CADM1: variants seen among roughly 807,000 people sequenced by gnomAD.
CADM1 encodes cell adhesion molecule 1.
In CADM1, 15 loss-of-function variants were observed where a neutral mutation model predicts 53.1. The ratio of observed to expected loss-of-function variants is 0.28; its 90% confidence interval spans 0.19 to 0.44. CADM1 has a LOEUF of 0.44. CADM1 is among the 20% of genes least tolerant of loss of function. The probability of loss-of-function intolerance (pLI) is 1.00; values close to 1 mark genes in which losing one functional copy is unlikely to be tolerated. For missense variants in CADM1, 434 were observed against 611.3 expected (o/e 0.71, Z 3.06); for synonymous variants, 281 against 243.0 (o/e 1.16, Z -1.45).
intron 1 of CADM1, among the ~76,000 whole-genome samples, chr11:115,286,777 A>C (rs1196449568): frequency 6.6e-6 from 1 of 152,156 alleles, no homozygotes; most frequent in African/African-American, 2.4e-5. Context: ...CTGGCAACTC[A>C]GCCTCACAAA....
chr11:115,216,446 T>C (rs997951178), intron 6 of CADM1, among the ~76,000 whole-genome samples: 2 of 152,216 alleles, frequency 1.3e-5, no homozygotes, highest in African/African-American at 2.4e-5. Context: ...AGCACGGGTA[T>C]TGCAAGCGGC....
Position 115,234,185 on chromosome 11 carries a change from T to G in CADM1, c.425-2695A>C, listed in dbSNP as rs118160608. Among the ~76,000 whole-genome samples, 1,487 of 152,298 alleles carry G rather than the reference T, an allele frequency of 9.8e-3. 15 individuals carry two copies. The highest frequency in any genetic ancestry group is 0.016 in the Non-Finnish European group (1,080 of 68,022). On this transcript the variant is annotated intron_variant, in intron 3 of 11. Coordinates refer to ENST00000331581, the MANE Select transcript of CADM1 (RefSeq NM_001301043.2). ...CCCTTGTCTCTGTTTACCCCAAGCT[T>G]CTCCTAACCTTCACTACCTCGTTCA...
intron 1 of CADM1, among the ~76,000 whole-genome samples, chr11:115,249,272 G>A (rs1395025460): frequency 1.3e-5 from 2 of 152,114 alleles, no homozygotes; most frequent in Non-Finnish European, 2.9e-5. Flanking sequence ...TTATACTCTA[G>A]GAAACATTAA....
intron 1 of CADM1, among the ~76,000 whole-genome samples, chr11:115,284,114 C>CTCTCTCTCTCTCTCTCTCTCTGTG (rs1351842329): frequency 2.5e-4 from 25 of 98,678 alleles, no homozygotes; most frequent in Non-Finnish European, 4.2e-4. Context: ...CTCTCTCTCT[C>CTCTCTCTCTCTCTCTCTCTCTGTG]TGTGTGTGTG....
rs1249180156 is a variant in CADM1 at position 115,226,982 on chromosome 11, AT to A, written c.721+2130del. ...GATATCAAACCAGATGCGAAGTTCC[AT>A]TCAGGTTAATATAATGCATTGTAAT... is the stretch of plus-strand genomic sequence containing the variant. On this transcript the variant is annotated intron_variant, in intron 5 of 11. Coordinates refer to ENST00000331581, the MANE Select transcript of CADM1 (RefSeq NM_001301043.2). 4.6e-5 allele frequency among the ~76,000 whole-genome samples: 7 copies of A among 152,338 alleles called. No homozygotes were observed. In the East Asian group the frequency reaches 1.3e-3, roughly 29 times the overall value.
intron 1 of CADM1, among the ~76,000 whole-genome samples, chr11:115,371,297 G>A (rs1354597439): frequency 6.6e-6 from 1 of 152,158 alleles, no homozygotes; most frequent in Non-Finnish European, 1.5e-5. Context: ...GAAAGGCTGA[G>A]AGAGGAAAAT....
At chr11:115,461,157 A>G (rs887012206) in intron 1 of CADM1, among the ~76,000 whole-genome samples, 3 of 152,156 alleles carry the variant, frequency 2.0e-5, no homozygotes, top group Admixed American at 1.3e-4. Flanking sequence ...TAATAAGTAT[A>G]TATATAATAA....
At chr11:115,497,284 A>G (rs1472813633) in intron 1 of CADM1, among the ~76,000 whole-genome samples, 1 of 152,226 alleles carries the variant, frequency 6.6e-6, no homozygotes, top group African/African-American at 2.4e-5. Context: ...GTTAGGTCAA[A>G]TGCCTGTATT....
chr11:115,472,787 G>T (rs747850275), intron 1 of CADM1, among the ~76,000 whole-genome samples: 26 of 152,068 alleles, frequency 1.7e-4, no homozygotes, highest in Non-Finnish European at 3.4e-4. Context: ...AAAGAAAAAT[G>T]ATATACAGCT....
chr11:115,375,865 T>G (rs1257107764), intron 1 of CADM1, among the ~76,000 whole-genome samples: 1 of 152,182 alleles, frequency 6.6e-6, no homozygotes, highest in South Asian at 2.1e-4. Context: ...AATACTCAAC[T>G]TACAATATTA....
At chr11:115,473,480 A>C (rs1257432294) in intron 1 of CADM1, among the ~76,000 whole-genome samples, 1 of 152,146 alleles carries the variant, frequency 6.6e-6, no homozygotes, top group Non-Finnish European at 1.5e-5. Context: ...TAACTACCTC[A>C]ATTGGCAGAA....
intron 1 of CADM1, among the ~76,000 whole-genome samples, chr11:115,329,832 C>T (rs190268057): frequency 2.0e-5 from 3 of 151,604 alleles, no homozygotes; most frequent in African/African-American, 7.3e-5. Context: ...GGAGATGGAG[C>T]GGGAAGATGA....
intron 1 of CADM1, among the ~76,000 whole-genome samples, chr11:115,359,770 T>A (rs1945979734): frequency 6.6e-6 from 1 of 152,208 alleles, no homozygotes; most frequent in African/African-American, 2.4e-5. Context: ...GAATGGCACA[T>A]GCAAACACTG....
intron 8 of CADM1, among the ~76,000 whole-genome samples, chr11:115,207,005 G>A (rs552566213): frequency 4.0e-5 from 6 of 151,880 alleles, no homozygotes; most frequent in Non-Finnish European, 5.9e-5. Flanking sequence ...TCATTCAGCT[G>A]CATAACCTTT....
At chr11:115,373,460 C>T (rs1315217663) in intron 1 of CADM1, among the ~76,000 whole-genome samples, 3 of 151,530 alleles carry the variant, frequency 2.0e-5, no homozygotes, top group Non-Finnish European at 2.9e-5. Flanking sequence ...TGGTGCACGC[C>T]TGTAGTCTCA....
At chr11:115,338,614 G>A (rs1199671431) in intron 1 of CADM1, among the ~76,000 whole-genome samples, 1 of 152,146 alleles carries the variant, frequency 6.6e-6, no homozygotes, top group Non-Finnish European at 1.5e-5. Flanking sequence ...AACGGCAGAT[G>A]CTCACACGTA....
At chr11:115,455,763 C>T (rs1338210713) in intron 1 of CADM1, among the ~76,000 whole-genome samples, 1 of 152,156 alleles carries the variant, frequency 6.6e-6, no homozygotes, top group Non-Finnish European at 1.5e-5. Flanking sequence ...TGCTATGTGG[C>T]CAACATGGTG....
At chr11:115,382,076 C>A (rs896068425) in intron 1 of CADM1, among the ~76,000 whole-genome samples, 1 of 152,110 alleles carries the variant, frequency 6.6e-6, no homozygotes, top group Non-Finnish European at 1.5e-5. Context: ...AACTCCTGAC[C>A]TCAAGTGATC....
intron 1 of CADM1, among the ~76,000 whole-genome samples, chr11:115,447,954 C>T (rs961336072): frequency 6.6e-6 from 1 of 152,146 alleles, no homozygotes; most frequent in African/African-American, 2.4e-5. Flanking sequence ...ATTAGATCTG[C>T]TGTTTCTACA....
Sources: allele counts gnomAD v4.1 joint callset (sites outside exome capture counted in the v4.1 genomes callset), GRCh38; gene constraint gnomAD v4.1.1; transcripts MANE v1.5; gene names NCBI Gene and HGNC (gene_info 2026-07-23, HGNC 2026-07-21).